The following SRP68 variants were observed in gnomAD, a reference collection of about 807,000 sequenced individuals.
SRP68 encodes signal recognition particle subunit SRP68.
Under a neutral mutation model 82.2 loss-of-function variants are expected in SRP68, and 15 were observed. The ratio of observed to expected loss-of-function variants is 0.18; its 90% CI spans 0.12 to 0.28. SRP68 has a LOEUF of 0.28. SRP68 is among the 10% of genes least tolerant of loss of function. The pLI, the probability that SRP68 is intolerant of heterozygous loss-of-function variation, is 1.00. For synonymous variants in SRP68, 261 were observed against 292.6 expected (o/e 0.89, Z 1.10); for missense variants, 595 against 780.5 (o/e 0.76, Z 2.83).
Position 76,071,478 on chromosome 17 carries a change from A to C in SRP68, c.184+830T>G, listed in dbSNP as rs1452745833. ...CGCTAAAAGGACTCTTTAAATTACT[A>C]AAACGGGACAAAGAGATATAAAGGT... On this transcript the variant is annotated intron_variant, in intron 1 of 15. Transcript: ENST00000307877. This position sits in a 1 kb window ranked among gnomAD's most constrained non-coding sequence, Gnocchi z 4.7. Among the ~76,000 whole-genome samples the C allele has an allele frequency of 1.3e-5, 2 of 152,236 alleles. No homozygotes were observed. The highest frequency in any genetic ancestry group is 2.9e-5 in the Non-Finnish European group (2 of 68,036).
chr17:76,061,123 A>G lies in SRP68; in HGVS notation c.741T>C (p.Cys247=), dbSNP rs1273498296. 6.2e-7 allele frequency: 1 copy of G among 1,610,024 alleles called. No individual in the cohort carries two copies. The highest frequency in any genetic ancestry group is 2.2e-5 in the East Asian group (1 of 44,878). The part of the protein sequence containing the change: ...VEEISPNIRY[C]AYNIGDQSAI... ...CCCTGCTCTCACCAATATTATATGC[A>G]CAATAGCGGATGTTGGGTGAAATCT... The change falls in exon 6 of 16, where the codon TGT becomes TGC. Residue 247 remains cysteine, a synonymous_variant. Transcript: ENST00000307877.
At chr17:76,067,419 T>C (rs1425168986) in intron 2 of SRP68, 89 bp from the exon 3 acceptor site, 2 of 869,630 alleles carry the variant, frequency 2.3e-6, no homozygotes, top group East Asian at 4.9e-5. Flanking sequence ...CAAGGGTCAA[T>C]GGTTTGGGAT....
chr17:76,041,859 C>T (rs899958233), intron 13 of SRP68, among the ~76,000 whole-genome samples: 14 of 151,998 alleles, frequency 9.2e-5, no homozygotes, highest in Non-Finnish European at 1.3e-4. Flanking sequence ...CACTGGCTGG[C>T]GTGACTCCAT....
At position 76,039,061 on chromosome 17, in the gene SRP68, G is replaced by A. The variant is rs943422460; in HGVS notation, c.*645C>T. On this transcript the variant is annotated 3_prime_UTR_variant, in exon 16 of 16. Transcript: ENST00000307877. ...GCAACTAGGCTCCCGAGGAGAGAACGGGGACTGGACATGAGGGAGGGCATA... is the reference window on the plus strand; with the variant it reads ...GCAACTAGGCTCCCGAGGAGAGAACAGGGACTGGACATGAGGGAGGGCATA... 16 of 258,440 alleles carry A rather than the reference G, an allele frequency of 6.2e-5. No homozygotes were observed. The highest frequency in any genetic ancestry group is 1.3e-4 in the Admixed American group (3 of 22,564). 16.0% of individuals were successfully genotyped at this position (258,440 alleles called of 1,614,324 possible).
At position 76,039,790 on chromosome 17, in the gene SRP68, G is replaced by A; in HGVS notation, c.1800C>T (p.Phe600=). The A allele has an allele frequency of 6.2e-7, 1 of 1,614,240 alleles. No homozygotes were observed. Among genetic ancestry groups the A allele is most frequent in the Non-Finnish European group, 8.5e-7 (1 of 1,180,046 alleles). ...GTTCCAACTTGTCCTCAAGGGGTGG[G>A]AAAGCCACATGGTTGAGGGCCAGGT... is the stretch of plus-strand genomic sequence containing the variant. The part of the protein sequence containing the change: ...FFDLALNHVA[F]PPLEDKLEQK... Residue 600 remains phenylalanine, a synonymous_variant, in exon 16 of 16, where the codon TTC becomes TTT. Transcript: ENST00000307877.
rs1157714182 is a variant in SRP68 at position 76,051,210 on chromosome 17, T to C, written c.979-684A>G. On this transcript the variant is annotated intron_variant, in intron 8 of 15. Transcript: ENST00000307877. Reference sequence around the variant, plus strand: ...GTTGACACGCATGAGACGACAGTCTTTGCACAAGTACTGGGTGTCACCTGT... The same window carrying C: ...GTTGACACGCATGAGACGACAGTCTCTGCACAAGTACTGGGTGTCACCTGT... Among the ~76,000 whole-genome samples the C allele has an allele frequency of 2.6e-5, 4 of 152,324 alleles. No homozygotes were observed. In the South Asian group the frequency reaches 8.3e-4, roughly 32 times the overall value.
intron 2 of SRP68, among the ~76,000 whole-genome samples, chr17:76,067,983 T>C (rs945940256): frequency 1.4e-4 from 21 of 152,096 alleles, no homozygotes; most frequent in African/African-American, 4.8e-4. Flanking sequence ...TGCAGTGGAC[T>C]GATGGCGGGG....
intron 3 of SRP68, among the ~76,000 whole-genome samples, chr17:76,065,286 CAAAAGAAA>C (rs1404999854): frequency 6.6e-6 from 1 of 151,244 alleles, no homozygotes; most frequent in African/African-American, 2.4e-5. Flanking sequence ...CCCATCTTTA[CAAAAGAAA>C]AAAAGAGAAA....
intron 4 of SRP68, among the ~76,000 whole-genome samples, chr17:76,062,680 A>G (rs1465113940): frequency 4.5e-5 from 2 of 44,766 alleles, no homozygotes; most frequent in African/African-American, 5.3e-4. Flanking sequence ...ATTATATAAT[A>G]TATAATATAC....
In SRP68 at chr17:76,071,799, C is replaced by A. The variant is rs898798830; in HGVS notation, c.184+509G>T. ...ACAGACCGATCAGAAAAAAATGACACAATCGATATTAACTACGGTAACTTA... is the reference window on the plus strand; with the variant it reads ...ACAGACCGATCAGAAAAAAATGACAAAATCGATATTAACTACGGTAACTTA... On this transcript the variant is annotated intron_variant, in intron 1 of 15. Coordinates refer to ENST00000307877, the MANE Select transcript of SRP68 (RefSeq NM_014230.4). This position sits in a 1 kb window ranked among gnomAD's most constrained non-coding sequence, Gnocchi z 4.7. Among the ~76,000 whole-genome samples the A allele has an allele frequency of 2.0e-5, 3 of 152,196 alleles. No homozygotes were observed. Among genetic ancestry groups the A allele is most frequent in the African/African-American group, 7.2e-5 (3 of 41,450 alleles).
intron 2 of SRP68, among the ~76,000 whole-genome samples, chr17:76,068,308 T>C (rs2066822740): frequency 6.7e-6 from 1 of 149,922 alleles, no homozygotes; most frequent in East Asian, 2.0e-4. Flanking sequence ...AAAAAAAAAT[T>C]AGCCAGGCAT....
chr17:76,070,974 G>A lies in SRP68; in HGVS notation c.185-530C>T, dbSNP rs76037406. Reference sequence around the variant, plus strand: ...GACAGGGCTAACCTACAGGAAAACTGATTGCCTGAACTGTTACTACTTGCA... The same window carrying A: ...GACAGGGCTAACCTACAGGAAAACTAATTGCCTGAACTGTTACTACTTGCA... On this transcript the variant is annotated intron_variant, in intron 1 of 15. Coordinates refer to ENST00000307877, the MANE Select transcript of SRP68 (RefSeq NM_014230.4). Among the ~76,000 whole-genome samples the A allele has an allele frequency of 4.9e-4, 74 of 152,190 alleles. No individual in the cohort carries two copies. The East Asian group carries it at 0.013, about 28-fold the overall frequency.
intron 8 of SRP68, among the ~76,000 whole-genome samples, chr17:76,053,120 C>T (rs908417105): frequency 6.6e-6 from 1 of 151,712 alleles, no homozygotes; most frequent in Admixed American, 6.6e-5. Flanking sequence ...AAAAAATTAG[C>T]CAGGTGTGGT....
intron 14 of SRP68, 27 bp downstream of exon 14, chr17:76,040,876 G>T: frequency 6.2e-7 from 1 of 1,610,156 alleles, no homozygotes; most frequent in Non-Finnish European, 8.5e-7. Context: ...GAAGTCTGGG[G>T]ATACAAAGGC....
chr17:76,040,642 A>G, intron 14 of SRP68, 168 bp from the exon 15 acceptor site: 1 of 719,726 alleles, frequency 1.4e-6, no homozygotes, highest in Non-Finnish European at 2.4e-6. Flanking sequence ...AAACAGATCA[A>G]TCCCAGATCC....
rs780927130 is a variant in SRP68 at position 76,072,416 on chromosome 17, C to A, written c.76G>T (p.Gly26Cys). Residue 26 changes from glycine (G) to cysteine (C), a missense_variant, in exon 1 of 16, where the codon GGT (glycine) becomes TGT (cysteine). Transcript: ENST00000307877. This position sits in a 1 kb window ranked among gnomAD's most constrained non-coding sequence, Gnocchi z 4.5. The stretch of plus-strand genomic sequence containing the variant: ...CCGGCACCACGTCCACCGCCGCTAC[C>A]GCCGCCGCCACTGCCACCGCCGCCG... ...SGGGGGSGGGGSGGGRGAGGE... is the reference protein window; with the variant it reads ...SGGGGGSGGGCSGGGRGAGGE... 119 of 1,584,944 alleles carry A rather than the reference C, an allele frequency of 7.5e-5. No individual in the cohort carries two copies. The highest frequency in any genetic ancestry group is 9.0e-5 in the Non-Finnish European group (105 of 1,167,524).
chr17:76,051,549 A>T (rs918693234), intron 8 of SRP68, among the ~76,000 whole-genome samples: 1 of 152,290 alleles, frequency 6.6e-6, no homozygotes. Flanking sequence ...GGGCTTAAAG[A>T]AAAACCCTTT....
At chr17:76,064,684 T>C (rs765827582) in intron 3 of SRP68, among the ~76,000 whole-genome samples, 32 of 151,820 alleles carry the variant, frequency 2.1e-4, no homozygotes, top group Non-Finnish European at 2.7e-4. Flanking sequence ...CTACTAAAAA[T>C]ACAAAAATTA....
intron 14 of SRP68, 127 bp from the exon 15 acceptor site, chr17:76,040,601 G>C: frequency 2.2e-6 from 2 of 912,510 alleles, no homozygotes; most frequent in South Asian, 2.8e-5. Context: ...GGGGAAGCCA[G>C]GCCTGTCTCC....
Sources: gnomAD v4.1 joint callset for allele counts (sites outside exome capture counted in the v4.1 genomes callset) on GRCh38, gnomAD v4.1.1 for gene constraint, Gnocchi (gnomAD v3.1) non-coding constraint, MANE v1.5 for transcripts, NCBI Gene and HGNC (gene_info 2026-07-23, HGNC 2026-07-21) for gene names.